NUP43: variants seen among roughly 807,000 people sequenced by gnomAD.
NUP43 encodes nucleoporin 43.
A neutral mutation model predicts 47.3 loss-of-function variants in NUP43; 32 were observed. That is an observed-to-expected ratio of 0.68 (90% CI 0.51 to 0.91). The LOEUF (loss-of-function observed/expected upper bound fraction) is 0.91, where lower values mean the gene tolerates loss of function less well. NUP43 is among the 40% of genes least tolerant of loss of function. The probability of loss-of-function intolerance (pLI) is 0.00; values close to 1 mark genes in which losing one functional copy is unlikely to be tolerated. For synonymous variants in NUP43, 147 were observed against 158.4 expected (o/e 0.93, Z 0.54); for missense variants, 444 against 453.9 (o/e 0.98, Z 0.20).
At chr6:149,747,437 CCAT>C (rs1323385610), upstream of NUP43, among the ~76,000 whole-genome samples, 1 of 151,796 alleles carries the variant, frequency 6.6e-6, no homozygotes. Context: ...GTGTGCGCCA[CCAT>C]GCCTGGCTAA....
In NUP43 at chr6:149,738,661, G is replaced by C; in HGVS notation, c.620C>G (p.Pro207Arg). The change falls in exon 5 of 8, where the codon CCT becomes CGT. Residue 207 changes from proline (P) to arginine (R), a missense_variant. Transcript: ENST00000340413. Reference sequence around the variant, plus strand: ...CACTTACAGTGACAATATCTGAGAAGGCTCATTTCCTTGTTGTCTGAAATC... The same window carrying C: ...CACTTACAGTGACAATATCTGAGAACGCTCATTTCCTTGTTGTCTGAAATC... The part of the protein sequence containing the change: ...IWDFRQQGNE[P>R]SQILSLTGDR... 3 of 1,570,780 alleles carry C rather than the reference G, an allele frequency of 1.9e-6. No individual in the cohort carries two copies. Among genetic ancestry groups the C allele is most frequent in the Non-Finnish European group, 2.6e-6 (3 of 1,162,506 alleles).
In NUP43 at chr6:149,746,361, T is replaced by C. The variant is rs777269363; in HGVS notation, c.120+15A>G. Reference sequence around the variant, plus strand: ...GAGGGAGGAGGTAGGGGCTCGTCCCTATCAGCGGCGATACCTCATTGTCCC... The same window carrying C: ...GAGGGAGGAGGTAGGGGCTCGTCCCCATCAGCGGCGATACCTCATTGTCCC... On this transcript the variant is annotated intron_variant, in intron 1 of 7. Transcript: ENST00000340413. 1 of 1,612,960 alleles carries C rather than the reference T, an allele frequency of 6.2e-7. No individual in the cohort carries two copies. The highest frequency in any genetic ancestry group is 2.2e-5 in the East Asian group (1 of 44,864).
chr6:149,746,741 C>T (rs1786035056), upstream of NUP43: 1 of 1,363,058 alleles, frequency 7.3e-7, no homozygotes, highest in Non-Finnish European at 9.8e-7. Context: ...GGACTTGCTC[C>T]TAATCTGCAA....
rs1288332239 is a variant in NUP43, at chr6:149,725,256, G to C, written c.*1713C>G. ...GCTGATTACCTGTGGTCAGGAGTTC[G>C]AGACCAGCCCTGGCCAACATGGTGA... On this transcript the variant is annotated 3_prime_UTR_variant, in exon 8 of 8. Coordinates refer to ENST00000340413, the MANE Select transcript of NUP43 (RefSeq NM_198887.3). 2 of 152,072 alleles carry C rather than the reference G, an allele frequency of 1.3e-5. No individual in the cohort carries two copies. The highest frequency in any genetic ancestry group is 1.9e-4 in the East Asian group (1 of 5,166). 9.4% of individuals were successfully genotyped at this position (152,072 alleles called of 1,614,324 possible).
chr6:149,728,772 C>A (rs1784902209), intron 7 of NUP43, among the ~76,000 whole-genome samples: 1 of 152,184 alleles, frequency 6.6e-6, no homozygotes, highest in African/African-American at 2.4e-5. Flanking sequence ...CTCTGCCTGT[C>A]TCAGGCCCTC....
chr6:149,746,591 T>C (rs73779550), upstream of NUP43: 7,033 of 1,610,412 alleles, frequency 4.4e-3, 80 homozygotes, highest in African/African-American at 0.045. Context: ...GATGGGACTT[T>C]AGGACGGAGA....
upstream of NUP43, chr6:149,749,232 C>T (rs1432410818): frequency 6.6e-6 from 1 of 152,544 alleles, no homozygotes; most frequent in Admixed American, 6.6e-5. Flanking sequence ...CCGGTGTACT[C>T]GGGTTAGAGA....
At chr6:149,736,398 A>G in intron 6 of NUP43, 73 bp downstream of exon 6, 1 of 1,044,144 alleles carries the variant, frequency 9.6e-7, no homozygotes, top group Non-Finnish European at 1.3e-6. Context: ...CACATGTATC[A>G]TTATGGAAAG....
chr6:149,728,185 T>G, intron 7 of NUP43: 2 of 984,984 alleles, frequency 2.0e-6, no homozygotes, highest in Non-Finnish European at 2.4e-6. Context: ...CCTCTGTCCA[T>G]GACTAAATAT....
At chr6:149,735,452 A>G (rs1165340606) in intron 6 of NUP43, among the ~76,000 whole-genome samples, 1 of 151,932 alleles carries the variant, frequency 6.6e-6, no homozygotes, top group Non-Finnish European at 1.5e-5. Flanking sequence ...TCCTAAGAAA[A>G]TAAGTACATA....
chr6:149,744,528 GA>G (rs879345739), intron 2 of NUP43, among the ~76,000 whole-genome samples: 4,820 of 100,330 alleles, frequency 0.048, 106 homozygotes, highest in Middle Eastern at 0.11. Context: ...TCATAAAAAA[GA>G]AAAAAAAAAA....
chr6:149,742,912 A>G (rs1785741030), intron 3 of NUP43, among the ~76,000 whole-genome samples: 1 of 152,364 alleles, frequency 6.6e-6, no homozygotes, highest in East Asian at 1.9e-4. Context: ...GCTGTCGCTC[A>G]TGCCTGTAAT....
At chr6:149,728,156 C>G (rs1408435182) in intron 7 of NUP43, 1 of 985,110 alleles carries the variant, frequency 1.0e-6, no homozygotes, top group African/African-American at 1.7e-5. Flanking sequence ...ATTCTTATAT[C>G]CTAATTGAAC....
chr6:149,728,400 C>T (rs1297304485), intron 7 of NUP43: 2 of 983,684 alleles, frequency 2.0e-6, no homozygotes, highest in African/African-American at 3.5e-5. Flanking sequence ...TTAGATGAAA[C>T]TGTTTGTTTC....
upstream of NUP43, among the ~76,000 whole-genome samples, chr6:149,747,657 A>T (rs1786082835): frequency 6.6e-6 from 1 of 152,148 alleles, no homozygotes; most frequent in Non-Finnish European, 1.5e-5. Context: ...TTCCTCCCCC[A>T]TTAGAATGTA....
rs1024299261 is a variant in NUP43 at position 149,746,441 on chromosome 6, G to C, written c.55C>G (p.Arg19Gly). 1 of 1,614,168 alleles carries C rather than the reference G, an allele frequency of 6.2e-7. No individual in the cohort carries two copies. Among genetic ancestry groups the C allele is most frequent in the East Asian group, 2.2e-5 (1 of 44,880 alleles). The change falls in exon 1 of 8, where the codon CGA becomes GGA. Residue 19 changes from arginine (R) to glycine (G), a missense_variant. Arg to Gly is a moderately radical substitution (Grantham distance 125, BLOSUM62 -2). Transcript: ENST00000340413. The part of the protein sequence containing the change: ...VSQKISKTRW[R>G]PLPPGSLQTA... Reference sequence around the variant, plus strand: ...TGTAAACTTCCCGGAGGCAGCGGTCGCCAGCGGGTTTTGCTGATTTTCTGG... The same window carrying C: ...TGTAAACTTCCCGGAGGCAGCGGTCCCCAGCGGGTTTTGCTGATTTTCTGG...
At chr6:149,736,175 G>A (rs534746922) in intron 6 of NUP43, among the ~76,000 whole-genome samples, 39 of 151,872 alleles carry the variant, frequency 2.6e-4, no homozygotes, top group African/African-American at 8.9e-4. Context: ...TACTCGGGAG[G>A]CTGAGGCAGG....
intron 5 of NUP43, among the ~76,000 whole-genome samples, chr6:149,738,275 G>A (rs1178732602): frequency 6.6e-6 from 1 of 152,070 alleles, no homozygotes; most frequent in Admixed American, 6.6e-5. Context: ...TCTTACGAGA[G>A]AACGTTGTAC....
chr6:149,738,699 C>G lies in NUP43; in HGVS notation c.582G>C (p.Gln194His), dbSNP rs976784888. ...PEILTVNSIGQLKIWDFRQQG... is the reference protein window; with the variant it reads ...PEILTVNSIGHLKIWDFRQQG... ...GTTGTCTGAAATCCCATATTTTCAA[C>G]TGTCCAATTGAATTTACAGTAAGAA... The change falls in exon 5 of 8, where the codon CAG becomes CAC. Residue 194 changes from glutamine to histidine, a missense_variant. Coordinates refer to ENST00000340413, the MANE Select transcript of NUP43 (RefSeq NM_198887.3). The G allele has an allele frequency of 2.1e-5, 34 of 1,595,446 alleles. No homozygotes were observed. The highest frequency in any genetic ancestry group is 2.9e-5 in the Non-Finnish European group (34 of 1,171,228).
Sources: allele counts gnomAD v4.1 joint callset (sites outside exome capture counted in the v4.1 genomes callset), GRCh38; gene constraint gnomAD v4.1.1; transcripts MANE v1.5; gene names NCBI Gene and HGNC (gene_info 2026-07-23, HGNC 2026-07-21).